The following DLGAP2 variants were observed in gnomAD, a reference collection of about 807,000 sequenced individuals.
DLGAP2 encodes the protein DLG associated protein 2.
A neutral mutation model predicts 100.3 loss-of-function variants in DLGAP2; 26 were observed. That is an observed-to-expected ratio of 0.26 (90% CI 0.19 to 0.36). The LOEUF is 0.36. Among genes scored for constraint, DLGAP2 ranks in the 10% least tolerant of loss-of-function variants. DLGAP2 has a pLI of 1.00. For synonymous variants in DLGAP2, 886 were observed against 630.1 expected (o/e 1.41, Z -6.08); for missense variants, 1,858 against 1,453.2 (o/e 1.28, Z -4.53).
chr8:1,206,410 G>T (rs1797991671), intron 2 of DLGAP2, among the ~76,000 whole-genome samples: 1 of 152,018 alleles, frequency 6.6e-6, no homozygotes, highest in Non-Finnish European at 1.5e-5. Context: ...GTGGACTGGG[G>T]TAGACTGTGA....
At chr8:984,048 G>A (rs1181699708) in intron 2 of DLGAP2, among the ~76,000 whole-genome samples, 1 of 152,118 alleles carries the variant, frequency 6.6e-6, no homozygotes, top group Non-Finnish European at 1.5e-5. Flanking sequence ...GTGTGCGGGC[G>A]GTCACTCCTC....
In DLGAP2 at chr8:1,678,304, G is replaced by C. The variant is rs759676911; in HGVS notation, c.2379G>C (p.Glu793Asp). ...GGTTCCCAGGCCACATCACCACGGA[G>C]GACAAAGGCCTTCAGTTCGGCTCAT... is the stretch of plus-strand genomic sequence containing the variant. ...LEGFPGHITT[E>D]DKGLQFGSSF... Residue 793 changes from glutamate (E) to aspartate (D), a missense_variant, in exon 12 of 15, where the codon GAG (glutamate) becomes GAC (aspartate). Glu to Asp is a conservative substitution (Grantham distance 45). Transcript: ENST00000637795. The C allele has an allele frequency of 9.9e-6, 16 of 1,613,910 alleles. No homozygotes were observed. The East Asian group carries it at 1.6e-4, about 16-fold the overall frequency.
chr8:1,498,170 C>A (rs7006393), intron 3 of DLGAP2, among the ~76,000 whole-genome samples: 4,410 of 152,078 alleles, frequency 0.029, 231 homozygotes, highest in African/African-American at 0.1. Context: ...TCATAGAAAG[C>A]GATGTCTGGG....
At chr8:971,819 T>C (rs190487351) in intron 2 of DLGAP2, among the ~76,000 whole-genome samples, 1 of 152,242 alleles carries the variant, frequency 6.6e-6, no homozygotes, top group East Asian at 1.9e-4. Flanking sequence ...TGAAGGGGAA[T>C]TCTCAATTCC....
chr8:1,360,492 C>T (rs1032565215), intron 3 of DLGAP2, among the ~76,000 whole-genome samples: 14 of 152,270 alleles, frequency 9.2e-5, no homozygotes, highest in Middle Eastern at 3.4e-3. Flanking sequence ...CCACTGCATG[C>T]GGACGTGGCT....
intron 3 of DLGAP2, among the ~76,000 whole-genome samples, chr8:1,329,919 C>G (rs1356639914): frequency 6.6e-6 from 1 of 152,216 alleles, no homozygotes; most frequent in Non-Finnish European, 1.5e-5. Context: ...CTGCAGCCGC[C>G]CTGCCGTGCA....
Position 1,668,411 on chromosome 8 carries a change from G to A in DLGAP2, c.1893G>A (p.Ala631=), listed in dbSNP as rs78753621. Reference sequence around the variant, plus strand: ...CCAAGCCTCTGATCTCGGTGACGGCGCAGAGCAGCACCGAATCCACCCAGG... The same window carrying A: ...CCAAGCCTCTGATCTCGGTGACGGCACAGAGCAGCACCGAATCCACCCAGG... ...TTSKPLISVT[A]QSSTESTQDA... is the part of the protein sequence containing the mutation. The change falls in exon 9 of 15, where the codon GCG becomes GCA. Residue 631 remains alanine, a synonymous_variant. Coordinates refer to ENST00000637795, the MANE Select transcript of DLGAP2 (RefSeq NM_001346810.2). 8.7e-4 allele frequency: 1,392 copies of A among 1,602,142 alleles called. 6 individuals are homozygous for A. The African/African-American group carries it at 0.011, about 12-fold the overall frequency.
intron 2 of DLGAP2, among the ~76,000 whole-genome samples, chr8:1,167,971 G>T (rs1251092169): frequency 6.6e-6 from 1 of 151,588 alleles, no homozygotes; most frequent in Admixed American, 6.6e-5. Context: ...ATGCTGGTGT[G>T]CTGCACCCAT....
chr8:1,127,744 GC>G (rs1239872698), intron 2 of DLGAP2, among the ~76,000 whole-genome samples: 3 of 152,174 alleles, frequency 2.0e-5, no homozygotes, highest in Non-Finnish European at 4.4e-5. Flanking sequence ...AAACACTAAG[GC>G]CCAGAGGAGG....
intron 3 of DLGAP2, among the ~76,000 whole-genome samples, chr8:1,436,977 G>C (rs181687313): frequency 6.6e-6 from 1 of 152,252 alleles, no homozygotes; most frequent in South Asian, 2.1e-4. Context: ...GGGAGCAGGA[G>C]GCCTATGCCG....
intron 2 of DLGAP2, among the ~76,000 whole-genome samples, chr8:1,212,863 A>C (rs2116791435): frequency 6.8e-6 from 1 of 147,900 alleles, no homozygotes; most frequent in Non-Finnish European, 1.5e-5. Context: ...ATCTTCTCAA[A>C]AACATCACAT....
intron 3 of DLGAP2, among the ~76,000 whole-genome samples, chr8:1,304,076 G>A (rs1800431670): frequency 6.6e-6 from 1 of 152,254 alleles, no homozygotes; most frequent in African/African-American, 2.4e-5. Context: ...CAGAATTGGG[G>A]GAGAGGGGTT....
intron 4 of DLGAP2, among the ~76,000 whole-genome samples, chr8:1,538,246 A>T (rs1030550363): frequency 1.3e-5 from 2 of 152,160 alleles, no homozygotes; most frequent in African/African-American, 4.8e-5. Flanking sequence ...GCATCCACCC[A>T]AATACACTTA....
At chr8:856,533 A>G (rs1362188033) in intron 1 of DLGAP2, among the ~76,000 whole-genome samples, 2 of 152,228 alleles carry the variant, frequency 1.3e-5, no homozygotes, top group African/African-American at 4.8e-5. Flanking sequence ...GCAGGGTTTT[A>G]GAATACAGGG....
chr8:1,508,606 C>T (rs868202033), intron 4 of DLGAP2, among the ~76,000 whole-genome samples: 3 of 144,680 alleles, frequency 2.1e-5, no homozygotes, highest in African/African-American at 7.8e-5. Flanking sequence ...GTGTTTTCTC[C>T]TCTGTGGGAT....
chr8:765,400 T>C (rs1821184871), intron 1 of DLGAP2, among the ~76,000 whole-genome samples: 1 of 152,166 alleles, frequency 6.6e-6, no homozygotes, highest in Non-Finnish European at 1.5e-5. Flanking sequence ...AAACAACAAA[T>C]TCTTTGTCAG....
chr8:1,531,641 G>A (rs539452625), intron 4 of DLGAP2, among the ~76,000 whole-genome samples: 56 of 152,252 alleles, frequency 3.7e-4, no homozygotes, highest in African/African-American at 1.3e-3. Flanking sequence ...TGTTTAGGAT[G>A]TATATTTCCT....
At chr8:776,650 C>G (rs371113712) in intron 1 of DLGAP2, among the ~76,000 whole-genome samples, 1 of 152,114 alleles carries the variant, frequency 6.6e-6, no homozygotes, top group African/African-American at 2.4e-5. Context: ...TTCCATGTAG[C>G]TGAGCGGTTT....
chr8:1,102,391 A>G (rs923337385), intron 2 of DLGAP2, among the ~76,000 whole-genome samples: 1 of 149,482 alleles, frequency 6.7e-6, no homozygotes, highest in African/African-American at 2.4e-5. Context: ...ATAGATACAT[A>G]AAACATTACA....
Sources: allele counts gnomAD v4.1 joint callset (sites outside exome capture counted in the v4.1 genomes callset), GRCh38; gene constraint gnomAD v4.1.1; transcripts MANE v1.5; gene names NCBI Gene and HGNC (gene_info 2026-07-23, HGNC 2026-07-21).